TMX3: variants seen among roughly 807,000 people sequenced by gnomAD.
TMX3 encodes the protein thioredoxin related transmembrane protein 3.
Under a neutral mutation model 64.4 loss-of-function variants are expected in TMX3, and 40 were observed. That is an observed-to-expected ratio of 0.62 (90% CI 0.48 to 0.81). The LOEUF (loss-of-function observed/expected upper bound fraction) is 0.81, where lower values mean the gene tolerates loss of function less well. TMX3 is among the 30% of genes least tolerant of loss of function. The pLI is 0.00. For synonymous variants in TMX3, 189 were observed against 175.7 expected, an observed-to-expected ratio of 1.08 and a Z score of -0.60; for missense variants, 497 against 534.5, an observed-to-expected ratio of 0.93 and a Z score of 0.69.
chr18:68,679,714 C>A (rs1458311404), intron 14 of TMX3, 183 bp from the exon 15 acceptor site: 2 of 538,308 alleles, frequency 3.7e-6, no homozygotes, highest in Non-Finnish European at 6.5e-6. Context: ...AGCATTCCTC[C>A]TGCCTGCTTG....
At chr18:68,685,088 A>G (rs1913813662) in intron 10 of TMX3, among the ~76,000 whole-genome samples, 1 of 152,208 alleles carries the variant, frequency 6.6e-6, no homozygotes, top group South Asian at 2.1e-4. Flanking sequence ...TAACCAGAAG[A>G]GTGGTGTTAG....
At chr18:68,685,382 T>C (rs1409568114) in intron 10 of TMX3, among the ~76,000 whole-genome samples, 2 of 152,194 alleles carry the variant, frequency 1.3e-5, no homozygotes, top group African/African-American at 4.8e-5. Context: ...CTTAAACACC[T>C]GTCTAAATTC....
intron 2 of TMX3, among the ~76,000 whole-genome samples, chr18:68,713,532 A>G (rs1385679194): frequency 6.6e-6 from 1 of 152,256 alleles, no homozygotes; most frequent in Non-Finnish European, 1.5e-5. Context: ...TAATGCTGTC[A>G]TACTATGAAG....
chr18:68,701,675 T>G, intron 5 of TMX3, 70 bp downstream of exon 5: 2 of 1,601,568 alleles, frequency 1.2e-6, no homozygotes, highest in Non-Finnish European at 1.7e-6. Context: ...CTACTAGAAA[T>G]TAACGTAATA....
chr18:68,682,404 C>A (rs1282177254), intron 13 of TMX3, among the ~76,000 whole-genome samples: 1 of 152,156 alleles, frequency 6.6e-6, no homozygotes, highest in East Asian at 1.9e-4. Flanking sequence ...TATTTTCCTA[C>A]AAATTTAGTC....
intron 4 of TMX3, among the ~76,000 whole-genome samples, chr18:68,703,520 C>T (rs1030503886): frequency 6.6e-6 from 1 of 152,104 alleles, no homozygotes; most frequent in African/African-American, 2.4e-5. Context: ...CCTCAGTATT[C>T]ACATCGAGAC....
chr18:68,694,224 C>G (rs572455087), intron 8 of TMX3, among the ~76,000 whole-genome samples: 11 of 152,300 alleles, frequency 7.2e-5, no homozygotes, highest in East Asian at 1.9e-4. Flanking sequence ...AGCTGTAACC[C>G]TTCTGGGAAC....
chr18:68,693,547 G>A (rs1396714619), intron 8 of TMX3, among the ~76,000 whole-genome samples: 1 of 151,994 alleles, frequency 6.6e-6, no homozygotes. Context: ...GAGTGTTGTC[G>A]CAACTTAGCC....
intron 4 of TMX3, among the ~76,000 whole-genome samples, chr18:68,705,651 G>T (rs2030590237): frequency 6.6e-6 from 1 of 152,074 alleles, no homozygotes; most frequent in Non-Finnish European, 1.5e-5. Flanking sequence ...TTCCAAATGA[G>T]AAATATTTTA....
At chr18:68,695,143 C>T (rs140113941) in intron 8 of TMX3, among the ~76,000 whole-genome samples, 2 of 152,240 alleles carry the variant, frequency 1.3e-5, no homozygotes, top group East Asian at 1.9e-4. Context: ...TTTTTCTCCC[C>T]ATTACTCCTC....
At chr18:68,705,040 C>T (rs1267161495) in intron 4 of TMX3, among the ~76,000 whole-genome samples, 1 of 152,094 alleles carries the variant, frequency 6.6e-6, no homozygotes, top group African/African-American at 2.4e-5. Context: ...CACTATGTGT[C>T]TAACATGAAA....
rs992133205 is a variant in TMX3 at position 68,676,657 on chromosome 18, G to A, written c.*276C>T. 3 of 362,722 alleles carry A rather than the reference G, an allele frequency of 8.3e-6. No homozygotes were observed. The highest frequency in any genetic ancestry group is 1.5e-5 in the Non-Finnish European group (3 of 202,002). The allele number at this position is 362,722 out of a possible 1,614,324, so 22.5% of individuals were successfully genotyped here. A position where few individuals can be genotyped will look rare whatever the true frequency, so the allele number is the denominator to read the frequency against. On this transcript the variant is annotated 3_prime_UTR_variant, in exon 16 of 16. Coordinates refer to ENST00000299608, the MANE Select transcript of TMX3 (RefSeq NM_019022.5). ...TTAACTTTTTGTCACAGAATATTCA[G>A]ATAGAGAAACATGCAAATAGAATTG...
At chr18:68,686,141 G>A (rs563554737) in intron 10 of TMX3, among the ~76,000 whole-genome samples, 52 of 152,218 alleles carry the variant, frequency 3.4e-4, no homozygotes, top group African/African-American at 1.3e-3. Context: ...ACAGCGTCAG[G>A]AGGCTGCTAT....
chr18:68,686,799 A>G, intron 10 of TMX3: 3 of 985,414 alleles, frequency 3.0e-6, no homozygotes, highest in South Asian at 4.7e-5. Flanking sequence ...TTCTGTAAAG[A>G]TAAGCAAAGG....
intron 8 of TMX3, among the ~76,000 whole-genome samples, chr18:68,691,693 C>T (rs1185492430): frequency 2.6e-5 from 4 of 152,150 alleles, no homozygotes; most frequent in Non-Finnish European, 5.9e-5. Flanking sequence ...AGCCACTTTA[C>T]CTAGGGGAGT....
intron 6 of TMX3, among the ~76,000 whole-genome samples, chr18:68,698,251 T>C (rs1915311141): frequency 6.6e-6 from 1 of 152,210 alleles, no homozygotes; most frequent in South Asian, 2.1e-4. Context: ...CAATTTAATC[T>C]ATCAGTTTCA....
chr18:68,692,888 C>A (rs141294717), intron 8 of TMX3, among the ~76,000 whole-genome samples: 51 of 152,296 alleles, frequency 3.3e-4, no homozygotes, highest in African/African-American at 1.2e-3. Context: ...GCCTAAGACA[C>A]CCCCATTGTT....
intron 13 of TMX3, 102 bp downstream of exon 13, chr18:68,682,823 C>T (rs1418487048): frequency 5.5e-6 from 5 of 916,114 alleles, no homozygotes; most frequent in Non-Finnish European, 8.2e-6. Flanking sequence ...AATATGTCAA[C>T]TGTTTGCTAT....
rs745870664 is a variant in TMX3, at chr18:68,683,021, G to A, written c.849-40C>T. 6.4e-6 allele frequency: 10 copies of A among 1,567,208 alleles called. No homozygotes were observed. The Admixed American group carries it at 1.0e-4, about 16-fold the overall frequency. Reference sequence around the variant, plus strand: ...CCAAAAATAAATAAATAAAAGGAGAGGGGGTGGGGGGAGAGAGAGAGAGAA... The same window carrying A: ...CCAAAAATAAATAAATAAAAGGAGAAGGGGTGGGGGGAGAGAGAGAGAGAA... On this transcript the variant is annotated intron_variant, in intron 12 of 15. Transcript: ENST00000299608.
Sources: gnomAD v4.1 joint callset for allele counts (sites outside exome capture counted in the v4.1 genomes callset) on GRCh38, gnomAD v4.1.1 for gene constraint, MANE v1.5 for transcripts, NCBI Gene and HGNC (gene_info 2026-07-23, HGNC 2026-07-21) for gene names.